The following PHF21B variants were observed in gnomAD, a reference collection of about 807,000 sequenced individuals.
PHF21B encodes PHD finger protein 21B, also known as PHD finger protein 4.
A neutral mutation model predicts 62.2 loss-of-function variants in PHF21B; 22 were observed. The ratio of observed to expected loss-of-function variants is 0.35; its 90% CI spans 0.25 to 0.51. The LOEUF (loss-of-function observed/expected upper bound fraction) is 0.51, where lower values mean the gene tolerates loss of function less well. PHF21B is among the 20% of genes least tolerant of loss of function. The probability of loss-of-function intolerance (pLI) is 0.97; values close to 1 mark genes in which losing one functional copy is unlikely to be tolerated. For synonymous variants in PHF21B, 341 were observed against 314.7 expected, an observed-to-expected ratio of 1.08 and a Z score of -0.88; for missense variants, 701 against 707.9, an observed-to-expected ratio of 0.99 and a Z score of 0.11.
chr22:44,888,652 A>G (rs2070904037), intron 9 of PHF21B, among the ~76,000 whole-genome samples: 1 of 152,192 alleles, frequency 6.6e-6, no homozygotes. Flanking sequence ...TGTCAACAGC[A>G]TGCTCCAACT....
At chr22:44,952,786 G>A (rs2072219474) in intron 2 of PHF21B, among the ~76,000 whole-genome samples, 2 of 152,170 alleles carry the variant, frequency 1.3e-5, no homozygotes. Flanking sequence ...AATAACCCCA[G>A]AGGTTCAGAG....
chr22:44,980,827 C>T (rs1015099672), intron 2 of PHF21B, among the ~76,000 whole-genome samples: 3 of 152,220 alleles, frequency 2.0e-5, no homozygotes, highest in African/African-American at 7.2e-5. Context: ...CATGCCCTCT[C>T]CGTCTAACCC....
intron 2 of PHF21B, among the ~76,000 whole-genome samples, chr22:44,921,910 C>T (rs930897470): frequency 1.3e-5 from 2 of 152,252 alleles, no homozygotes; most frequent in African/African-American, 2.4e-5. Context: ...CCACCCACCT[C>T]GGCCTCCCAA....
intron 2 of PHF21B, among the ~76,000 whole-genome samples, chr22:44,978,576 C>T (rs2072781205): frequency 6.6e-6 from 1 of 152,212 alleles, no homozygotes; most frequent in African/African-American, 2.4e-5. Context: ...TCAGGCTGGT[C>T]TCAAACTCCT....
chr22:45,003,287 C>T (rs2073253191), intron 2 of PHF21B: 1 of 152,314 alleles, frequency 6.6e-6, no homozygotes. Context: ...GCAGGCACCC[C>T]TCAGGGAGCT....
chr22:44,997,823 C>A (rs562571451), intron 2 of PHF21B, among the ~76,000 whole-genome samples: 30 of 152,312 alleles, frequency 2.0e-4, no homozygotes, highest in Non-Finnish European at 3.4e-4. Context: ...TACAGCTTCA[C>A]CCAGGGGCGG....
chr22:44,899,366 C>T (rs1208413321), intron 5 of PHF21B, among the ~76,000 whole-genome samples: 2 of 143,978 alleles, frequency 1.4e-5, no homozygotes, highest in African/African-American at 2.5e-5. Flanking sequence ...TCTCAGCTCA[C>T]TGCAATCTCC....
chr22:44,992,991 A>G (rs1490051997), intron 2 of PHF21B, among the ~76,000 whole-genome samples: 1 of 152,312 alleles, frequency 6.6e-6, no homozygotes, highest in African/African-American at 2.4e-5. Flanking sequence ...ACCAAGTCCA[A>G]CAGGGCATGG....
chr22:44,891,140 G>C (rs1336243084), intron 8 of PHF21B, among the ~76,000 whole-genome samples, 166 bp downstream of exon 8: 1 of 152,182 alleles, frequency 6.6e-6, no homozygotes, highest in Non-Finnish European at 1.5e-5. Flanking sequence ...AGGAGGAGCG[G>C]GGAGGTGGGA....
At chr22:45,006,236 C>G (rs573489293) in intron 2 of PHF21B, among the ~76,000 whole-genome samples, 1 of 152,316 alleles carries the variant, frequency 6.6e-6, no homozygotes, top group African/African-American at 2.4e-5. Flanking sequence ...AAACAACACC[C>G]TCGCAGTTAA....
At position 44,995,714 on chromosome 22, in the gene PHF21B, C is replaced by T. The variant is rs144866572; in HGVS notation, c.120+12831G>A. Among the ~76,000 whole-genome samples, 1,406 of 152,156 alleles carry T rather than the reference C, an allele frequency of 9.2e-3. 24 individuals are homozygous for T. The highest frequency in any genetic ancestry group is 0.032 in the African/African-American group (1,336 of 41,480). ...TGACTCAGTCACTGCATTTAGCACT[C>T]GGTATGTCGGCACCTTCCGAGATGT... On this transcript the variant is annotated intron_variant, in intron 2 of 12. Transcript: ENST00000313237.
At chr22:44,909,909 G>A (rs1408908162) in intron 5 of PHF21B, among the ~76,000 whole-genome samples, 3 of 152,182 alleles carry the variant, frequency 2.0e-5, no homozygotes, top group South Asian at 4.1e-4. Context: ...CCTTCATTTA[G>A]AATTCTCTCA....
At chr22:44,900,636 G>C (rs551172167) in intron 5 of PHF21B, among the ~76,000 whole-genome samples, 1 of 152,314 alleles carries the variant, frequency 6.6e-6, no homozygotes, top group East Asian at 1.9e-4. Flanking sequence ...CTTTAAACTT[G>C]AAGGACAGCT....
intron 2 of PHF21B, among the ~76,000 whole-genome samples, chr22:44,944,547 G>C (rs1006086055): frequency 2.0e-5 from 3 of 152,168 alleles, no homozygotes; most frequent in South Asian, 2.1e-4. Flanking sequence ...CCCCACAGCC[G>C]GCGTCAGCAG....
At chr22:45,002,281 A>G (rs537546562) in intron 2 of PHF21B, among the ~76,000 whole-genome samples, 1 of 152,364 alleles carries the variant, frequency 6.6e-6, no homozygotes, top group Non-Finnish European at 1.5e-5. Flanking sequence ...ATAAAAATGT[A>G]ACTGGTAAAC....
intron 2 of PHF21B, among the ~76,000 whole-genome samples, chr22:44,991,868 T>G (rs888185038): frequency 5.9e-5 from 9 of 152,264 alleles, no homozygotes; most frequent in African/African-American, 2.2e-4. Flanking sequence ...AACTCTTGTC[T>G]TCACTTTCTT....
At position 44,916,431 on chromosome 22, in the gene PHF21B, G is replaced by A; in HGVS notation, c.413C>T (p.Ala138Val). The change falls in exon 4 of 13, where the codon GCC becomes GTC. Residue 138 changes from alanine to valine, a missense_variant. By Grantham distance (64) the Ala-to-Val change is moderately conservative. Coordinates refer to ENST00000313237, the MANE Select transcript of PHF21B (RefSeq NM_138415.5). ...SQPQALAEPA[A>V]LASPLSSAGV... is the part of the protein sequence containing the mutation. The stretch of plus-strand genomic sequence containing the variant: ...CGCACTGCTCAGCGGAGAGGCGAGG[G>A]CGGCGGGCTCGGCGAGGGCCTGGGG... 2 of 1,598,648 alleles carry A rather than the reference G, an allele frequency of 1.3e-6. No individual in the cohort carries two copies. Among genetic ancestry groups the A allele is most frequent in the Non-Finnish European group, 1.7e-6 (2 of 1,176,528 alleles).
At chr22:45,006,836 G>A (rs1004400058) in intron 2 of PHF21B, among the ~76,000 whole-genome samples, 3 of 150,962 alleles carry the variant, frequency 2.0e-5, no homozygotes, top group Non-Finnish European at 2.9e-5. Context: ...TATCACACTG[G>A]ACCAGATCTG....
chr22:44,914,399 G>A (rs1459509537), intron 4 of PHF21B, among the ~76,000 whole-genome samples: 1 of 152,214 alleles, frequency 6.6e-6, no homozygotes, highest in African/African-American at 2.4e-5. Flanking sequence ...CACTGCTTCT[G>A]AGAGTCAGGT....
Sources: gnomAD v4.1 joint callset for allele counts (sites outside exome capture counted in the v4.1 genomes callset) on GRCh38, gnomAD v4.1.1 for gene constraint, MANE v1.5 for transcripts, NCBI Gene and HGNC (gene_info 2026-07-23, HGNC 2026-07-21) for gene names.